The following ALK variants were observed in gnomAD, a reference collection of about 807,000 sequenced individuals.
ALK encodes the protein ALK receptor tyrosine kinase, also known as ALK tyrosine kinase receptor.
In ALK, 74 loss-of-function variants were observed where a neutral mutation model predicts 163.1. That is an observed-to-expected ratio of 0.45 (90% CI 0.38 to 0.55). The LOEUF (loss-of-function observed/expected upper bound fraction) is 0.55. Ranked by LOEUF, ALK falls within the 20% of genes least tolerant of loss-of-function variation. ALK has a pLI of 0.00. For synonymous variants in ALK, 960 were observed against 843.2 expected (o/e 1.14, Z -2.40); for missense variants, 2,063 against 2,105.3 (o/e 0.98, Z 0.39).
intron 1 of ALK, among the ~76,000 whole-genome samples, chr2:29,757,128 G>C (rs1391512718): frequency 6.6e-6 from 1 of 152,198 alleles, no homozygotes. Context: ...CTAGGCATAG[G>C]GTGCCATGGG....
intron 6 of ALK, among the ~76,000 whole-genome samples, chr2:29,325,953 G>A (rs767534355): frequency 1.8e-4 from 27 of 152,144 alleles, no homozygotes; most frequent in Non-Finnish European, 3.5e-4. Flanking sequence ...CAAAAATGCC[G>A]GAAAGGATAG....
intron 6 of ALK, among the ~76,000 whole-genome samples, chr2:29,326,843 C>A (rs958027542): frequency 1.3e-5 from 2 of 152,150 alleles, no homozygotes; most frequent in African/African-American, 4.8e-5. Context: ...TGTTTTAAAA[C>A]GTATTTTGGA....
chr2:29,318,500 C>A (rs1666902064), intron 7 of ALK, 96 bp from the exon 8 acceptor site: 2 of 848,786 alleles, frequency 2.4e-6, no homozygotes, highest in Non-Finnish European at 4.0e-6. Flanking sequence ...CTTATCTAGC[C>A]TAGGGATATC....
At chr2:29,833,625 T>A (rs952680769) in intron 1 of ALK, among the ~76,000 whole-genome samples, 6 of 152,230 alleles carry the variant, frequency 3.9e-5, no homozygotes, top group Non-Finnish European at 7.3e-5. Context: ...ACAGGCATTG[T>A]TTCATTTCAT....
chr2:29,269,805 C>CCT (rs1558646552), intron 11 of ALK, among the ~76,000 whole-genome samples: 1 of 152,184 alleles, frequency 6.6e-6, no homozygotes, highest in Non-Finnish European at 1.5e-5. Flanking sequence ...GAACAGTCCC[C>CCT]CCCCAGCTGA....
chr2:29,780,924 G>A (rs1681315318), intron 1 of ALK, among the ~76,000 whole-genome samples: 1 of 152,192 alleles, frequency 6.6e-6, no homozygotes, highest in African/African-American at 2.4e-5. Context: ...TTAAAGAAAA[G>A]GTCAGGTAGG....
chr2:29,283,034 T>A (rs1380671994), intron 9 of ALK, among the ~76,000 whole-genome samples: 1 of 152,154 alleles, frequency 6.6e-6, no homozygotes, highest in Non-Finnish European at 1.5e-5. Flanking sequence ...AGGAAAGACA[T>A]TGCTTCCTGG....
intron 3 of ALK, among the ~76,000 whole-genome samples, chr2:29,658,608 C>T (rs567930337): frequency 6.6e-6 from 1 of 152,120 alleles, no homozygotes; most frequent in Non-Finnish European, 1.5e-5. Context: ...ATAAAACACC[C>T]ACACAGAGTT....
chr2:29,625,492 A>G (rs1676166470), intron 3 of ALK, among the ~76,000 whole-genome samples: 1 of 152,192 alleles, frequency 6.6e-6, no homozygotes, highest in South Asian at 2.1e-4. Context: ...AATTACAACT[A>G]CCTAAATTTC....
intron 3 of ALK, among the ~76,000 whole-genome samples, chr2:29,646,816 C>T (rs542734432): frequency 1.3e-5 from 2 of 152,332 alleles, no homozygotes; most frequent in South Asian, 2.1e-4. Context: ...CACACCACTC[C>T]TGCCTTCCTT....
intron 2 of ALK, among the ~76,000 whole-genome samples, chr2:29,703,669 G>C (rs1015015889): frequency 2.0e-5 from 3 of 152,216 alleles, no homozygotes; most frequent in Non-Finnish European, 2.9e-5. Flanking sequence ...TTGTCAATCT[G>C]AAGGAGGTGA....
intron 6 of ALK, among the ~76,000 whole-genome samples, chr2:29,325,341 C>A (rs868511559): frequency 1.3e-5 from 2 of 152,156 alleles, no homozygotes; most frequent in East Asian, 1.9e-4. Context: ...TGGAAACCAT[C>A]CCCCTGAAGA....
intron 26 of ALK, among the ~76,000 whole-genome samples, chr2:29,199,030 T>C (rs1484973892): frequency 6.6e-6 from 1 of 152,026 alleles, no homozygotes; most frequent in African/African-American, 2.4e-5. Flanking sequence ...CTTGGCTCAC[T>C]GCAACCTCCA....
intron 9 of ALK, among the ~76,000 whole-genome samples, chr2:29,277,143 AG>A (rs1429515488): frequency 6.6e-6 from 1 of 152,214 alleles, no homozygotes; most frequent in Admixed American, 6.5e-5. Flanking sequence ...GGGTACAACA[AG>A]GACAAGAAAT....
At chr2:29,725,696 G>C (rs534779210) in intron 1 of ALK, among the ~76,000 whole-genome samples, 1 of 151,934 alleles carries the variant, frequency 6.6e-6, no homozygotes, top group African/African-American at 2.4e-5. Flanking sequence ...CACAGTGGCT[G>C]TTTTTGGTTT....
intron 13 of ALK, among the ~76,000 whole-genome samples, chr2:29,239,422 A>G (rs1317167236): frequency 1.3e-5 from 2 of 152,092 alleles, no homozygotes; most frequent in African/African-American, 4.8e-5. Flanking sequence ...GCCTGGCCCA[A>G]CCAGGAGATT....
chr2:29,328,306 C>A lies in ALK; in HGVS notation c.1414+44G>T, dbSNP rs150310549. ...ATAATGGGGACAACGGGGTTATGAGCATGGGCTGGGCTCAGGCAGGGTGGG... is the reference window on the plus strand; with the variant it reads ...ATAATGGGGACAACGGGGTTATGAGAATGGGCTGGGCTCAGGCAGGGTGGG... On this transcript the variant is annotated intron_variant, in intron 6 of 28. Transcript: ENST00000389048. 457 of 1,613,792 alleles carry A rather than the reference C, an allele frequency of 2.8e-4. 5 individuals carry two copies. The East Asian group carries it at 0.01, about 36-fold the overall frequency.
chr2:29,623,563 T>C (rs1163284239), intron 3 of ALK, among the ~76,000 whole-genome samples: 2 of 152,222 alleles, frequency 1.3e-5, no homozygotes, highest in Non-Finnish European at 2.9e-5. Flanking sequence ...CTCCATTTTC[T>C]AGATGATGGG....
At chr2:29,446,719 T>C (rs969585573) in intron 4 of ALK, among the ~76,000 whole-genome samples, 2 of 152,026 alleles carry the variant, frequency 1.3e-5, no homozygotes, top group African/African-American at 2.4e-5. Context: ...ACTATGCAAA[T>C]GTATGTAAAT....
Sources: gnomAD v4.1 joint callset for allele counts (sites outside exome capture counted in the v4.1 genomes callset) on GRCh38, gnomAD v4.1.1 for gene constraint, MANE v1.5 for transcripts, NCBI Gene and HGNC (gene_info 2026-07-23, HGNC 2026-07-21) for gene names.